The following RICTOR variants were observed in gnomAD, a reference collection of about 807,000 sequenced individuals.
The protein encoded by RICTOR is RPTOR independent companion of MTOR complex 2, also known as rapamycin-insensitive companion of mTOR.
RICTOR carries 49 observed loss-of-function variants against 214.9 expected under a neutral mutation model. The ratio of observed to expected loss-of-function variants is 0.23; its 90% CI spans 0.18 to 0.29. The LOEUF is 0.29. RICTOR is among the 10% of genes least tolerant of loss of function. RICTOR has a pLI of 1.00. For synonymous variants in RICTOR, 717 were observed against 711.3 expected (o/e 1.01, Z -0.13); for missense variants, 1,625 against 2,047.0 (o/e 0.79, Z 3.98).
chr5:39,041,576 T>C (rs1757170004), intron 2 of RICTOR, among the ~76,000 whole-genome samples: 1 of 152,074 alleles, frequency 6.6e-6, no homozygotes, highest in South Asian at 2.1e-4. Flanking sequence ...GAAAACTTAA[T>C]AACGGCTTAG....
intron 2 of RICTOR, among the ~76,000 whole-genome samples, chr5:39,067,843 A>C (rs1193980816): frequency 6.6e-6 from 1 of 152,124 alleles, no homozygotes; most frequent in Admixed American, 6.6e-5. Flanking sequence ...TTTTCCTTCT[A>C]ATCTCCTTAA....
At chr5:38,954,634 A>G in intron 27 of RICTOR, 140 bp downstream of exon 27, 1 of 590,452 alleles carries the variant, frequency 1.7e-6, no homozygotes. Flanking sequence ...CAATTACAAA[A>G]TAGATGAATT....
At chr5:39,015,172 T>C (rs957073097) in intron 3 of RICTOR, among the ~76,000 whole-genome samples, 5 of 152,078 alleles carry the variant, frequency 3.3e-5, no homozygotes, top group African/African-American at 9.7e-5. Context: ...CAGAAGAGGG[T>C]AGCAAACAAA....
At chr5:38,990,606 G>T (rs55990000) in intron 7 of RICTOR, among the ~76,000 whole-genome samples, 2 of 99,836 alleles carry the variant, frequency 2.0e-5, no homozygotes, top group African/African-American at 4.1e-5. Flanking sequence ...CGATATATAT[G>T]ATATATATAC....
rs1426179665 is a variant in RICTOR, at chr5:38,966,567, C to T, written c.1299+74G>A. Reference sequence around the variant, plus strand: ...ATTTTTGAGATAATACAAAGCAACACTATTAAAATAACTTGTTTTATAAAT... The same window carrying T: ...ATTTTTGAGATAATACAAAGCAACATTATTAAAATAACTTGTTTTATAAAT... On this transcript the variant is annotated intron_variant, in intron 15 of 37. Coordinates refer to ENST00000357387, the MANE Select transcript of RICTOR (RefSeq NM_152756.5). 4 of 760,826 alleles carry T rather than the reference C, an allele frequency of 5.3e-6. No individual in the cohort carries two copies. The East Asian group carries it at 7.9e-5, about 15-fold the overall frequency. 47.1% of individuals were successfully genotyped at this position (760,826 alleles called of 1,614,324 possible). A position where few individuals can be genotyped will look rare whatever the true frequency, so the allele number is the denominator to read the frequency against.
chr5:38,989,350 T>C (rs1752416897), intron 7 of RICTOR, among the ~76,000 whole-genome samples: 2 of 152,186 alleles, frequency 1.3e-5, no homozygotes, highest in African/African-American at 4.8e-5. Flanking sequence ...TCTTACACCT[T>C]ACACAAGAAT....
At chr5:39,008,489 C>T (rs1249296853) in intron 3 of RICTOR, among the ~76,000 whole-genome samples, 1 of 151,928 alleles carries the variant, frequency 6.6e-6, no homozygotes, top group East Asian at 1.9e-4. Context: ...CAGTTTGACG[C>T]CAGAGCCCAC....
chr5:39,036,506 A>G (rs957353550), intron 2 of RICTOR, among the ~76,000 whole-genome samples: 3 of 152,240 alleles, frequency 2.0e-5, no homozygotes, highest in Admixed American at 2.0e-4. Context: ...GCTCCAATTA[A>G]AAGACACAGA....
chr5:39,050,912 A>G (rs1355748856), intron 2 of RICTOR, among the ~76,000 whole-genome samples: 1 of 152,148 alleles, frequency 6.6e-6, no homozygotes, highest in African/African-American at 2.4e-5. Flanking sequence ...TTCATAATGA[A>G]ATATTTTTAA....
chr5:38,950,200 A>G lies in RICTOR; in HGVS notation c.3648T>C (p.Arg1216=). 1 of 1,613,448 alleles carries G rather than the reference A, an allele frequency of 6.2e-7. No homozygotes were observed. Among genetic ancestry groups the G allele is most frequent in the South Asian group, 1.1e-5 (1 of 91,064 alleles). Residue 1216 remains arginine, a synonymous_variant, in exon 31 of 38, where the codon CGT becomes CGC. Coordinates refer to ENST00000357387, the MANE Select transcript of RICTOR (RefSeq NM_152756.5). ...TAGTGTCTGTATTGAAACTTTGGCT[A>G]CGTATCTTCATATGTGAGCTCGTTG... ...ESSTSSHMKI[R]SQSFNTDTTT...
At chr5:39,020,397 A>G (rs904873312) in intron 3 of RICTOR, among the ~76,000 whole-genome samples, 1 of 152,116 alleles carries the variant, frequency 6.6e-6, no homozygotes, top group African/African-American at 2.4e-5. Flanking sequence ...AGTCACCTTA[A>G]CCTTCAGCAA....
chr5:39,073,289 CG>C (rs1759459093), intron 2 of RICTOR, among the ~76,000 whole-genome samples: 1 of 152,112 alleles, frequency 6.6e-6, no homozygotes, highest in African/African-American at 2.4e-5. Context: ...GAATCTTGTA[CG>C]TAACTACTAA....
In RICTOR at chr5:38,972,672, GTAAGTATTT is replaced by G. The variant is rs368691598; in HGVS notation, c.890-722_890-714del. Reference sequence around the variant, plus strand: ...GCTGATGATGGGAGTATAAAATAGTGTAAGTATTTTGGGAAAAAGTCTGGCAGTTTCTCA... The same window carrying G: ...GCTGATGATGGGAGTATAAAATAGTGTGGGAAAAAGTCTGGCAGTTTCTCA... On this transcript the variant is annotated intron_variant, in intron 10 of 37. Transcript: ENST00000357387. Among the ~76,000 whole-genome samples, 31 of 152,206 alleles carry G rather than the reference GTAAGTATTT, an allele frequency of 2.0e-4. 1 individual carries two copies. Among genetic ancestry groups the G allele is most frequent in the African/African-American group, 7.2e-4 (30 of 41,544 alleles).
chr5:38,966,517 A>C (rs1202617887), intron 15 of RICTOR, 124 bp downstream of exon 15: 36 of 645,436 alleles, frequency 5.6e-5, no homozygotes, highest in South Asian at 2.6e-4. Flanking sequence ...ATGCAAAGAT[A>C]AACATTTATA....
chr5:39,062,903 C>T (rs2150208587), intron 2 of RICTOR, among the ~76,000 whole-genome samples: 1 of 152,188 alleles, frequency 6.6e-6, no homozygotes, highest in South Asian at 2.1e-4. Flanking sequence ...GGCAATGAAA[C>T]ATTCTGTGGT....
At chr5:39,024,371 T>C (rs565191946) in intron 2 of RICTOR, among the ~76,000 whole-genome samples, 37 of 152,306 alleles carry the variant, frequency 2.4e-4, no homozygotes, top group African/African-American at 7.9e-4. Flanking sequence ...ACTGGATATA[T>C]TAAAAAGAAT....
At chr5:39,004,670 G>A (rs1753890081) in intron 3 of RICTOR, among the ~76,000 whole-genome samples, 4 of 151,450 alleles carry the variant, frequency 2.6e-5, no homozygotes, top group Admixed American at 2.6e-4. Context: ...ATGTTGGCCA[G>A]GCTGGTCTCG....
At chr5:39,017,486 C>T (rs899388335) in intron 3 of RICTOR, among the ~76,000 whole-genome samples, 2 of 151,916 alleles carry the variant, frequency 1.3e-5, no homozygotes, top group Non-Finnish European at 2.9e-5. Context: ...AAAATACATG[C>T]CCATACTTTT....
chr5:39,015,728 C>G (rs1580106427), intron 3 of RICTOR, among the ~76,000 whole-genome samples: 1 of 152,124 alleles, frequency 6.6e-6, no homozygotes, highest in African/African-American at 2.4e-5. Flanking sequence ...CACCATCTTA[C>G]AGTCAGCTAA....
Sources: gnomAD v4.1 joint callset for allele counts (sites outside exome capture counted in the v4.1 genomes callset) on GRCh38, gnomAD v4.1.1 for gene constraint, MANE v1.5 for transcripts, NCBI Gene and HGNC (gene_info 2026-07-23, HGNC 2026-07-21) for gene names.